The following MDGA2 variants were observed in gnomAD, a reference collection of about 807,000 sequenced individuals.
MDGA2 encodes the protein MAM domain-containing glycosylphosphatidylinositol anchor protein 2.
A neutral mutation model predicts 117.8 loss-of-function variants in MDGA2; 40 were observed. That is an observed-to-expected ratio of 0.34 (90% CI 0.26 to 0.44). The LOEUF (loss-of-function observed/expected upper bound fraction) is 0.44. Among genes scored for constraint, MDGA2 ranks in the 20% least tolerant of loss-of-function variants. The pLI is 1.00. For missense variants in MDGA2, 1,123 were observed against 1,250.6 expected, an observed-to-expected ratio of 0.90 and a Z score of 1.54; for synonymous variants, 452 against 439.0, an observed-to-expected ratio of 1.03 and a Z score of -0.37.
chr14:47,455,590 A>G (rs1256405128), intron 1 of MDGA2, among the ~76,000 whole-genome samples: 1 of 152,220 alleles, frequency 6.6e-6, no homozygotes, highest in Non-Finnish European at 1.5e-5. Context: ...TTAGATAACA[A>G]AAAATGACTT....
At chr14:47,042,190 T>G (rs117765654) in intron 7 of MDGA2, among the ~76,000 whole-genome samples, 116 of 152,198 alleles carry the variant, frequency 7.6e-4, no homozygotes, top group Non-Finnish European at 1.3e-3. Context: ...TTATGAAAGT[T>G]ACCCTTAGAG....
At chr14:47,190,805 C>T (rs1341550763) in intron 3 of MDGA2, among the ~76,000 whole-genome samples, 1 of 152,062 alleles carries the variant, frequency 6.6e-6, no homozygotes, top group East Asian at 1.9e-4. Flanking sequence ...ATTTCATATT[C>T]ATAGTTGAAT....
At chr14:46,948,536 T>C (rs1885253974) in intron 9 of MDGA2, among the ~76,000 whole-genome samples, 2 of 152,000 alleles carry the variant, frequency 1.3e-5, no homozygotes, top group Non-Finnish European at 2.9e-5. Context: ...TAAGTTGGCC[T>C]GCCTCTTGGG....
chr14:46,935,053 C>T (rs1419932836), intron 9 of MDGA2, among the ~76,000 whole-genome samples: 1 of 151,840 alleles, frequency 6.6e-6, no homozygotes, highest in African/African-American at 2.4e-5. Flanking sequence ...AGAGTTATGC[C>T]ACTTATTTCA....
At chr14:47,008,245 A>T (rs1887778967) in intron 8 of MDGA2, among the ~76,000 whole-genome samples, 1 of 151,914 alleles carries the variant, frequency 6.6e-6, no homozygotes, top group Non-Finnish European at 1.5e-5. Flanking sequence ...AAGGGCAAAG[A>T]TACTATGAGA....
chr14:47,013,772 G>GTGTATATATATATATATA (rs1555343310), intron 8 of MDGA2, among the ~76,000 whole-genome samples: 3 of 93,682 alleles, frequency 3.2e-5, no homozygotes, highest in East Asian at 5.5e-4. Flanking sequence ...TAATTTCCTT[G>GTGTATATATATATATATA]TATATATATA....
intron 2 of MDGA2, among the ~76,000 whole-genome samples, chr14:47,224,659 C>T (rs1886419348): frequency 6.6e-6 from 1 of 152,022 alleles, no homozygotes; most frequent in Admixed American, 6.6e-5. Context: ...TAAAAGAATC[C>T]TTGAGAAAAA....
At chr14:47,376,958 G>A (rs1263640099) in intron 1 of MDGA2, among the ~76,000 whole-genome samples, 1 of 152,124 alleles carries the variant, frequency 6.6e-6, no homozygotes, top group Non-Finnish European at 1.5e-5. Context: ...AGTGCTGGTG[G>A]ACTATAGAAA....
chr14:47,166,393 A>G (rs932289135), intron 3 of MDGA2, among the ~76,000 whole-genome samples: 1 of 152,090 alleles, frequency 6.6e-6, no homozygotes, highest in Admixed American at 6.5e-5. Flanking sequence ...TTTAATACCA[A>G]TAATAACATA....
intron 1 of MDGA2, among the ~76,000 whole-genome samples, chr14:47,396,780 A>G (rs1480990223): frequency 6.6e-6 from 1 of 152,172 alleles, no homozygotes; most frequent in East Asian, 1.9e-4. Flanking sequence ...CAAAACCACA[A>G]TGAGATACCA....
At chr14:47,367,632 A>T (rs1891258824) in intron 1 of MDGA2, among the ~76,000 whole-genome samples, 1 of 152,240 alleles carries the variant, frequency 6.6e-6, no homozygotes, top group Non-Finnish European at 1.5e-5. Context: ...CCATTCTAAA[A>T]ACTGTACTAT....
intron 1 of MDGA2, among the ~76,000 whole-genome samples, chr14:47,495,602 ATTTACTC>A (rs1161105868): frequency 6.6e-6 from 1 of 152,114 alleles, no homozygotes; most frequent in Non-Finnish European, 1.5e-5. Flanking sequence ...GAGCAGTTTT[ATTTACTC>A]CTCGTAGCCT....
chr14:47,470,349 G>T (rs1594873493), intron 1 of MDGA2, among the ~76,000 whole-genome samples: 1 of 145,804 alleles, frequency 6.9e-6, no homozygotes, highest in Admixed American at 7.2e-5. Context: ...CTCACTTATA[G>T]GTGCGAACAT....
At chr14:47,592,060 G>A (rs557509222) in intron 1 of MDGA2, among the ~76,000 whole-genome samples, 5 of 151,990 alleles carry the variant, frequency 3.3e-5, no homozygotes, top group African/African-American at 9.6e-5. Context: ...AAAAAAAATC[G>A]ATGTGCAAAA....
intron 5 of MDGA2, among the ~76,000 whole-genome samples, chr14:47,103,132 A>C (rs1479385450): frequency 6.6e-6 from 1 of 152,164 alleles, no homozygotes; most frequent in African/African-American, 2.4e-5. Flanking sequence ...CTGTTCCGTG[A>C]CTCTACATTA....
chr14:47,044,060 A>G (rs1347012612), intron 7 of MDGA2, among the ~76,000 whole-genome samples: 1 of 152,006 alleles, frequency 6.6e-6, no homozygotes, highest in African/African-American at 2.4e-5. Flanking sequence ...CACATCATGT[A>G]ACATTTTAAA....
At chr14:46,991,448 T>G (rs1887091026) in intron 8 of MDGA2, among the ~76,000 whole-genome samples, 1 of 152,152 alleles carries the variant, frequency 6.6e-6, no homozygotes, top group Non-Finnish European at 1.5e-5. Context: ...TTTGCCTTAA[T>G]AGTCTCTAGT....
intron 7 of MDGA2, among the ~76,000 whole-genome samples, chr14:47,048,894 T>C (rs1400424073): frequency 6.6e-6 from 1 of 152,124 alleles, no homozygotes; most frequent in Non-Finnish European, 1.5e-5. Flanking sequence ...TGTAGAAGTA[T>C]ACAGAAGTTT....
chr14:47,610,360 G>C (rs1040764415), intron 1 of MDGA2, among the ~76,000 whole-genome samples: 1 of 152,080 alleles, frequency 6.6e-6, no homozygotes, highest in African/African-American at 2.4e-5. Flanking sequence ...AACTGGTAAA[G>C]AGGAAGTCAA....
Sources: gnomAD v4.1 joint callset for allele counts (sites outside exome capture counted in the v4.1 genomes callset) on GRCh38, gnomAD v4.1.1 for gene constraint, MANE v1.5 for transcripts, NCBI Gene and HGNC (gene_info 2026-07-23, HGNC 2026-07-21) for gene names.